Variants in RHCG observed in about 807,000 individuals in gnomAD.
RHCG encodes the protein ammonium transporter Rh type C.
In RHCG, 39 loss-of-function variants were observed where a neutral mutation model predicts 55.3. That is an observed-to-expected ratio of 0.70 (90% CI 0.55 to 0.92). The LOEUF (loss-of-function observed/expected upper bound fraction) is 0.92. Ranked by LOEUF, RHCG falls within the 40% of genes least tolerant of loss-of-function variation. The probability of loss-of-function intolerance (pLI) is 0.00; values close to 1 mark genes in which losing one functional copy is unlikely to be tolerated. For missense variants in RHCG, 635 were observed against 627.9 expected (o/e 1.01, Z -0.12); for synonymous variants, 250 against 246.8 (o/e 1.01, Z -0.12).
chr15:89,476,101 C>G (rs1009712915), intron 9 of RHCG, among the ~76,000 whole-genome samples: 5 of 151,598 alleles, frequency 3.3e-5, no homozygotes, highest in Non-Finnish European at 5.9e-5. Context: ...GGATCTTGCT[C>G]TATTGCCCAG....
chr15:89,479,630 G>C (rs1961228323), intron 4 of RHCG, 142 bp from the exon 5 acceptor site: 1 of 753,446 alleles, frequency 1.3e-6, no homozygotes, highest in Admixed American at 3.0e-5. Context: ...TAGTCATGCA[G>C]GGGCTCTTCC....
chr15:89,494,205 C>T (rs1363527112), intron 1 of RHCG, among the ~76,000 whole-genome samples: 1 of 152,144 alleles, frequency 6.6e-6, no homozygotes, highest in African/African-American at 2.4e-5. Flanking sequence ...TCACCATCCA[C>T]CACTTCCCAG....
chr15:89,483,070 T>C lies in RHCG; in HGVS notation c.519A>G (p.Leu173=), dbSNP rs2141894855. The change falls in exon 3 of 11, where the codon CTA becomes CTG. Residue 173 remains leucine, a synonymous_variant. Coordinates refer to ENST00000268122, the MANE Select transcript of RHCG (RefSeq NM_016321.3). ...CCCCATTCTGAGCCCTGCTCACCTT[T>C]AGCAGGTTAAGGAGAATGAACTCAT... The part of the protein sequence containing the change: ...AVNEFILLNL[L]KVKDAGGSMT... 6.3e-7 allele frequency: 1 copy of C among 1,582,160 alleles called. No individual in the cohort carries two copies. Among genetic ancestry groups the C allele is most frequent in the Non-Finnish European group, 8.7e-7 (1 of 1,154,420 alleles).
chr15:89,491,059 T>A (rs1326694797), intron 1 of RHCG, among the ~76,000 whole-genome samples: 1 of 152,080 alleles, frequency 6.6e-6, no homozygotes. Flanking sequence ...GGGTGTCAGT[T>A]GCCTGGTGGT....
At chr15:89,472,654 G>T in intron 10 of RHCG, 57 bp downstream of exon 10, 2 of 1,517,716 alleles carry the variant, frequency 1.3e-6, no homozygotes, top group Non-Finnish European at 1.8e-6. Flanking sequence ...GATTCTGAGA[G>T]CTGGGCCCCC....
intron 2 of RHCG, among the ~76,000 whole-genome samples, chr15:89,485,034 C>G (rs1291813574): frequency 3.9e-5 from 6 of 152,166 alleles, no homozygotes; most frequent in African/African-American, 1.4e-4. Context: ...ATGCTCATCC[C>G]AGCCCCGGGC....
At chr15:89,484,477 C>A (rs746035358) in intron 2 of RHCG, among the ~76,000 whole-genome samples, 13 of 152,154 alleles carry the variant, frequency 8.5e-5, no homozygotes, top group Non-Finnish European at 1.8e-4. Flanking sequence ...ATAGAAGTGA[C>A]CATTAGAAAG....
intron 1 of RHCG, among the ~76,000 whole-genome samples, chr15:89,489,752 T>C (rs1332075307): frequency 6.6e-6 from 1 of 152,192 alleles, no homozygotes; most frequent in East Asian, 1.9e-4. Context: ...TCTCAGCAAA[T>C]TGTCACCTCA....
intron 1 of RHCG, 83 bp from the exon 2 acceptor site, chr15:89,487,068 A>T (rs1961388269): frequency 7.7e-7 from 1 of 1,292,262 alleles, no homozygotes; most frequent in Admixed American, 3.1e-5. Context: ...AGGCCGGGGT[A>T]GCCCCTCAGT....
chr15:89,480,176 G>T (rs533144483), intron 4 of RHCG, 85 bp downstream of exon 4: 1 of 1,555,954 alleles, frequency 6.4e-7, no homozygotes, highest in Non-Finnish European at 8.8e-7. Context: ...CCATCATGGT[G>T]GCCTTCACCC....
rs201248594 is a variant in RHCG, at chr15:89,483,174, A to G, written c.415T>C (p.Phe139Leu). 8.7e-5 allele frequency: 139 copies of G among 1,593,828 alleles called. No homozygotes were observed. The highest frequency in any genetic ancestry group is 1.1e-4 in the Non-Finnish European group (131 of 1,163,552). ...CTGACTTTACCCAGAACTGCCCCAAAGGCCACGCAGACAGAGGCCACGCAG... is the reference window on the plus strand; with the variant it reads ...CTGACTTTACCCAGAACTGCCCCAAGGGCCACGCAGACAGAGGCCACGCAG... ...DFCVASVCVA[F>L]GAVLGKVSPI... is the part of the protein sequence containing the mutation. The change falls in exon 3 of 11, where the codon TTT (phenylalanine) becomes CTT (leucine). Residue 139 changes from phenylalanine to leucine, a missense_variant. Phe to Leu is a conservative substitution (Grantham distance 22). Coordinates refer to ENST00000268122, the MANE Select transcript of RHCG (RefSeq NM_016321.3).
Position 89,496,472 on chromosome 15 carries a change from G to C in RHCG, c.73C>G (p.Leu25Val), listed in dbSNP as rs768657557. 6.2e-7 allele frequency: 1 copy of C among 1,613,988 alleles called. No homozygotes were observed. The highest frequency in any genetic ancestry group is 2.2e-5 in the East Asian group (1 of 44,882). The change falls in exon 1 of 11, where the codon CTC (leucine) becomes GTC (valine). Residue 25 changes from leucine (L) to valine (V), a missense_variant. Coordinates refer to ENST00000268122, the MANE Select transcript of RHCG (RefSeq NM_016321.3). ...TCGTAGCGCACGAACACCCCGAAGA[G>C]AATCACCATAATCACCTGCAGGAGC... ...CLLLQVIMVI[L>V]FGVFVRYDFE... is the part of the protein sequence containing the mutation.
intron 1 of RHCG, among the ~76,000 whole-genome samples, chr15:89,491,694 G>C (rs1227034603): frequency 6.6e-6 from 1 of 152,104 alleles, no homozygotes; most frequent in East Asian, 1.9e-4. Context: ...TTGAACCCGG[G>C]AGGCAGAGGT....
chr15:89,484,151 A>G (rs1214419681), intron 2 of RHCG, among the ~76,000 whole-genome samples: 1 of 152,170 alleles, frequency 6.6e-6, no homozygotes, highest in Non-Finnish European at 1.5e-5. Flanking sequence ...TGTGTGTATG[A>G]GAGAGAGAAT....
At chr15:89,478,859 G>A (rs1218473847) in intron 5 of RHCG, among the ~76,000 whole-genome samples, 1 of 152,194 alleles carries the variant, frequency 6.6e-6, no homozygotes, top group Non-Finnish European at 1.5e-5. Context: ...GGGAGGCTGA[G>A]GTGGGTGGAT....
intron 1 of RHCG, among the ~76,000 whole-genome samples, chr15:89,489,801 C>T (rs977768300): frequency 6.6e-6 from 1 of 152,206 alleles, no homozygotes; most frequent in African/African-American, 2.4e-5. Context: ...AAGATAGGTT[C>T]TCCCCCTATG....
At chr15:89,486,599 A>AGAGAGAGAGAGAGTGTGT in intron 2 of RHCG, 200 bp downstream of exon 2, 4 of 264,492 alleles carry the variant, frequency 1.5e-5, no homozygotes, top group East Asian at 9.9e-5. Flanking sequence ...AGAGAGAGAG[A>AGAGAGAGAGAGAGTGTGT]GTGTGTGTGT....
At chr15:89,473,711 G>C (rs553077289) in intron 9 of RHCG, among the ~76,000 whole-genome samples, 1 of 152,180 alleles carries the variant, frequency 6.6e-6, no homozygotes, top group Non-Finnish European at 1.5e-5. Context: ...AAAATATGTG[G>C]GAGGATACAT....
At chr15:89,480,511 C>A (rs1299892830) in intron 3 of RHCG, 103 bp from the exon 4 acceptor site, 8 of 1,399,926 alleles carry the variant, frequency 5.7e-6, no homozygotes, top group Middle Eastern at 5.1e-4. Flanking sequence ...CTCCAGCCTT[C>A]TCGGACTCTT....
Sources: gnomAD v4.1 joint callset for allele counts (sites outside exome capture counted in the v4.1 genomes callset) on GRCh38, gnomAD v4.1.1 for gene constraint, MANE v1.5 for transcripts, NCBI Gene and HGNC (gene_info 2026-07-23, HGNC 2026-07-21) for gene names.